Variants in PDCD4 observed in about 807,000 individuals in gnomAD.
PDCD4 encodes the protein programmed cell death 4.
PDCD4 carries 56 observed loss-of-function variants against 54.0 expected under a neutral mutation model. That is an observed-to-expected ratio of 1.04 (90% CI 0.84 to 1.30). The LOEUF (loss-of-function observed/expected upper bound fraction) is 1.30, where lower values mean the gene tolerates loss of function less well. Ranked by LOEUF, PDCD4 falls within the 50% of genes most tolerant of loss-of-function variation. The pLI is 0.00. For missense variants in PDCD4, 584 were observed against 559.8 expected (o/e 1.04, Z -0.44); for synonymous variants, 186 against 194.8 (o/e 0.95, Z 0.37).
intron 5 of PDCD4, among the ~76,000 whole-genome samples, chr10:110,887,317 T>C (rs1286820585): frequency 6.6e-6 from 1 of 152,200 alleles, no homozygotes; most frequent in East Asian, 1.9e-4. Flanking sequence ...TAGGTTTGTG[T>C]AAGTACACTC....
chr10:110,886,285 A>G (rs954260270), intron 5 of PDCD4, among the ~76,000 whole-genome samples: 4 of 152,162 alleles, frequency 2.6e-5, no homozygotes, highest in Non-Finnish European at 4.4e-5. Context: ...ATTGTATACT[A>G]TGTATCTGTT....
intron 8 of PDCD4, among the ~76,000 whole-genome samples, chr10:110,891,426 A>AAAAG (rs1845754583): frequency 6.7e-6 from 1 of 149,938 alleles, no homozygotes; most frequent in Non-Finnish European, 1.5e-5. Context: ...AAAAAAAAAA[A>AAAAG]GCGATTTATT....
chr10:110,894,356 A>C, intron 9 of PDCD4, 56 bp from the exon 10 acceptor site: 1 of 964,992 alleles, frequency 1.0e-6, no homozygotes, highest in South Asian at 1.4e-5. Flanking sequence ...GGTGCATTTT[A>C]GGAGCAGTTT....
chr10:110,897,387 T>C (rs1845856005), intron 11 of PDCD4, among the ~76,000 whole-genome samples: 1 of 152,226 alleles, frequency 6.6e-6, no homozygotes, highest in Non-Finnish European at 1.5e-5. Context: ...AGGGCTAATG[T>C]TGCCTAAGTT....
At position 110,876,283 on chromosome 10, in the gene PDCD4, A is replaced by C. The variant is rs1188586832; in HGVS notation, c.43+213A>C. ...CTAATTTTTTATTTTTTGTAGAGAT[A>C]GGATTTCACTATGTTGCCTAGGCTG... On this transcript the variant is annotated intron_variant, in intron 2 of 11. Coordinates refer to ENST00000280154, the MANE Select transcript of PDCD4 (RefSeq NM_014456.5). Among the ~76,000 whole-genome samples, 20 of 152,152 alleles carry C rather than the reference A, an allele frequency of 1.3e-4. 1 individual carries two copies. Among genetic ancestry groups the C allele is most frequent in the Admixed American group, 1.3e-3 (20 of 15,274 alleles).
In PDCD4 at chr10:110,885,270, A is replaced by G; in HGVS notation, c.459A>G (p.Glu153=). The change falls in exon 5 of 12, where the codon GAA becomes GAG. Residue 153 remains glutamate (E), a synonymous_variant. Transcript: ENST00000280154. ...YDDDQENCVY[E]TVVLPLDERA... ...CCTCAAAGGAGAACTGTGTTTATGAAACTGTAGTTTTGCCTTTGGATGAAA... is the reference window on the plus strand; with the variant it reads ...CCTCAAAGGAGAACTGTGTTTATGAGACTGTAGTTTTGCCTTTGGATGAAA... 1 of 1,558,928 alleles carries G rather than the reference A, an allele frequency of 6.4e-7. No homozygotes were observed. The highest frequency in any genetic ancestry group is 8.8e-7 in the Non-Finnish European group (1 of 1,132,908).
In PDCD4 at chr10:110,887,749, A is replaced by G. The variant is rs1378529994; in HGVS notation, c.640A>G (p.Ser214Gly). The change falls in exon 6 of 12, where the codon AGT (serine) becomes GGT (glycine). Residue 214 changes from serine (S) to glycine (G), a missense_variant. Transcript: ENST00000280154. ...ATCCTTAGCATTGGAGGGGAAGGCTAGTCATAGAGAGATGACATCTAAGCT... is the reference window on the plus strand; with the variant it reads ...ATCCTTAGCATTGGAGGGGAAGGCTGGTCATAGAGAGATGACATCTAAGCT... ...AVSLALEGKA[S>G]HREMTSKLLS... is the part of the protein sequence containing the mutation. The G allele has an allele frequency of 6.8e-6, 11 of 1,613,090 alleles. No individual in the cohort carries two copies. Among genetic ancestry groups the G allele is most frequent in the Non-Finnish European group, 9.3e-6 (11 of 1,179,050 alleles).
intron 7 of PDCD4, 152 bp downstream of exon 7, chr10:110,889,782 A>G: frequency 3.3e-6 from 2 of 603,760 alleles, no homozygotes; most frequent in Admixed American, 6.3e-5. Flanking sequence ...GACTATTGGC[A>G]TGATATACCA....
intron 8 of PDCD4, among the ~76,000 whole-genome samples, chr10:110,891,579 T>C (rs1845757886): frequency 6.6e-6 from 1 of 152,098 alleles, no homozygotes; most frequent in Non-Finnish European, 1.5e-5. Flanking sequence ...AGAAGATTTG[T>C]AGTTCATGTG....
intron 1 of PDCD4, among the ~76,000 whole-genome samples, chr10:110,874,507 C>A (rs1845472095): frequency 6.6e-6 from 1 of 151,922 alleles, no homozygotes; most frequent in South Asian, 2.1e-4. Context: ...TTATATGAAT[C>A]TCTACATATT....
At chr10:110,877,262 AG>A (rs1845519946) in intron 2 of PDCD4, among the ~76,000 whole-genome samples, 1 of 152,172 alleles carries the variant, frequency 6.6e-6, no homozygotes, top group African/African-American at 2.4e-5. Context: ...TGCACTGTCC[AG>A]TATGGTGACC....
intron 5 of PDCD4, 48 bp downstream of exon 5, chr10:110,885,414 C>T (rs1297269410): frequency 7.3e-6 from 6 of 821,394 alleles, no homozygotes; most frequent in African/African-American, 5.3e-5. Context: ...GGAGAGAAGA[C>T]ATCTTTTATA....
intron 5 of PDCD4, among the ~76,000 whole-genome samples, chr10:110,886,777 A>G (rs948276843): frequency 2.0e-5 from 3 of 152,170 alleles, no homozygotes; most frequent in Non-Finnish European, 4.4e-5. Context: ...TGCCTGATAC[A>G]TTAGTCAATA....
intron 11 of PDCD4, among the ~76,000 whole-genome samples, chr10:110,897,153 A>G (rs573754045): frequency 6.6e-6 from 1 of 152,348 alleles, no homozygotes; most frequent in East Asian, 1.9e-4. Context: ...AAAAGGGGCC[A>G]GTACCCTGGC....
rs972098737 is a variant in PDCD4, at chr10:110,899,186, C to T, written c.*1098C>T. 1 of 152,144 alleles carries T rather than the reference C, an allele frequency of 6.6e-6. No homozygotes were observed. Among genetic ancestry groups the T allele is most frequent in the Non-Finnish European group, 1.5e-5 (1 of 68,014 alleles). The allele number at this position is 152,144 out of a possible 1,614,324, so 9.4% of individuals were successfully genotyped here. A position where few individuals can be genotyped will look rare whatever the true frequency, so the allele number is the denominator to read the frequency against. On this transcript the variant is annotated 3_prime_UTR_variant, in exon 12 of 12. Transcript: ENST00000280154. ...GCCTAATAACTCAGCAAGGCCTCAA[C>T]GTCTGTGCTAATTTAAACTGCCAAA... is the stretch of plus-strand genomic sequence containing the variant.
intron 2 of PDCD4, among the ~76,000 whole-genome samples, chr10:110,879,652 CAA>C (rs527490449): frequency 5.8e-4 from 49 of 84,242 alleles, no homozygotes; most frequent in Non-Finnish European, 4.3e-4. Context: ...CACGCTGTCT[CAA>C]AAAAAAAAAA....
intron 8 of PDCD4, among the ~76,000 whole-genome samples, chr10:110,891,540 CAGATCTCTTTA>C (rs1050979390): frequency 6.6e-6 from 1 of 151,078 alleles, no homozygotes; most frequent in Non-Finnish European, 1.5e-5. Flanking sequence ...TCCTTATCTG[CAGATCTCTTTA>C]AGAAAAGGCA....
intron 3 of PDCD4, among the ~76,000 whole-genome samples, chr10:110,882,452 G>A (rs1225694873): frequency 2.0e-5 from 3 of 152,286 alleles, no homozygotes; most frequent in African/African-American, 7.2e-5. Flanking sequence ...TTTCAGGGCT[G>A]TTAATGCTTA....
At chr10:110,885,452 G>A (rs961801568) in intron 5 of PDCD4, 86 bp downstream of exon 5, 3 of 582,140 alleles carry the variant, frequency 5.2e-6, no homozygotes, top group Non-Finnish European at 9.2e-6. Flanking sequence ...ATGATCTTGG[G>A]TCACTGAATA....
Sources: allele counts gnomAD v4.1 joint callset (sites outside exome capture counted in the v4.1 genomes callset), GRCh38; gene constraint gnomAD v4.1.1; transcripts MANE v1.5; gene names NCBI Gene and HGNC (gene_info 2026-07-23, HGNC 2026-07-21).